HNRNPC: variants seen among roughly 807,000 people sequenced by gnomAD.
HNRNPC encodes the protein heterogeneous nuclear ribonucleoproteins C1/C2.
Under a neutral mutation model 33.2 loss-of-function variants are expected in HNRNPC, and 3 were observed. That is an observed-to-expected ratio of 0.09 (90% CI 0.04 to 0.23). The LOEUF (loss-of-function observed/expected upper bound fraction) is 0.23, where lower values mean the gene tolerates loss of function less well. HNRNPC is among the 10% of genes least tolerant of loss of function. HNRNPC has a pLI of 1.00. For missense variants in HNRNPC, 143 were observed against 366.7 expected, an observed-to-expected ratio of 0.39 and a Z score of 4.98; for synonymous variants, 121 against 126.7, an observed-to-expected ratio of 0.96 and a Z score of 0.30.
At chr14:21,248,331 C>T (rs1185191014) in intron 2 of HNRNPC, among the ~76,000 whole-genome samples, 1 of 152,198 alleles carries the variant, frequency 6.6e-6, no homozygotes, top group East Asian at 1.9e-4. Flanking sequence ...GCGTGAGCCC[C>T]TGCAACCAGC....
chr14:21,225,299 G>A (rs1893294052), intron 5 of HNRNPC, among the ~76,000 whole-genome samples: 1 of 151,918 alleles, frequency 6.6e-6, no homozygotes, highest in Non-Finnish European at 1.5e-5. Context: ...CATGGTGGCA[G>A]GCACCTGTAA....
intron 2 of HNRNPC, among the ~76,000 whole-genome samples, chr14:21,258,525 TA>T (rs1877619357): frequency 6.6e-6 from 1 of 152,216 alleles, no homozygotes; most frequent in Non-Finnish European, 1.5e-5. Flanking sequence ...GCAAGTTATT[TA>T]AATTCTGTAC....
At chr14:21,251,260 C>CAA (rs71419116) in intron 2 of HNRNPC, among the ~76,000 whole-genome samples, 13,452 of 49,016 alleles carry the variant, frequency 0.27, 2,736 homozygotes, top group Non-Finnish European at 0.33. Flanking sequence ...GACTCCCTCT[C>CAA]AAAAAAAAAA....
intron 2 of HNRNPC, among the ~76,000 whole-genome samples, chr14:21,250,724 T>G (rs1384877452): frequency 6.6e-6 from 1 of 152,194 alleles, no homozygotes; most frequent in Non-Finnish European, 1.5e-5. Context: ...TACACTGTAG[T>G]CTTCAACATT....
At chr14:21,268,499 TA>T (rs1879391889) in intron 1 of HNRNPC, 1 of 152,186 alleles carries the variant, frequency 6.6e-6, no homozygotes, top group Non-Finnish European at 1.5e-5. Context: ...ATTAACTAGG[TA>T]AAAACCACTC....
intron 2 of HNRNPC, among the ~76,000 whole-genome samples, chr14:21,245,295 A>G (rs984013281): frequency 3.3e-5 from 5 of 152,030 alleles, no homozygotes; most frequent in African/African-American, 9.7e-5. Context: ...CAGGAGTTCA[A>G]GACCAGCCTG....
Position 21,243,538 on chromosome 14 carries a change from C to T in HNRNPC, c.-36-9309G>A, listed in dbSNP as rs77959973. Among the ~76,000 whole-genome samples, 750 of 152,256 alleles carry T rather than the reference C, an allele frequency of 4.9e-3. 22 individuals carry two copies. In the East Asian group the frequency reaches 0.09, roughly 18 times the overall value. On this transcript the variant is annotated intron_variant, in intron 2 of 8. Transcript: ENST00000553300. ...CAAATTTCCAAAGAAAAGATTACAT[C>T]TTTTTTTCTGTCAAATCTGCTTATG...
intron 2 of HNRNPC, chr14:21,254,474 C>G (rs1401546622): frequency 6.6e-6 from 1 of 152,130 alleles, no homozygotes; most frequent in African/African-American, 2.4e-5. Context: ...CTTTGGATAG[C>G]TGTATTTTCT....
intron 5 of HNRNPC, among the ~76,000 whole-genome samples, chr14:21,221,347 G>A (rs1405104112): frequency 6.6e-6 from 1 of 152,030 alleles, no homozygotes; most frequent in Non-Finnish European, 1.5e-5. Flanking sequence ...ACTGATTTTT[G>A]CAGCATTCTA....
In HNRNPC at chr14:21,210,322, G is replaced by A. The variant is rs1041526976; in HGVS notation, c.*901C>T. On this transcript the variant is annotated 3_prime_UTR_variant, in exon 9 of 9. Coordinates refer to ENST00000553300, the MANE Select transcript of HNRNPC (RefSeq NM_004500.4). ...GGATATACTTCCCAAACTTTCATTA[G>A]GATGTAAAAGCCATTTTGAAAAAGT... The A allele has an allele frequency of 9.2e-5, 14 of 152,136 alleles. No homozygotes were observed. The highest frequency in any genetic ancestry group is 3.4e-4 in the African/African-American group (14 of 41,406). The allele number at this position is 152,136 out of a possible 1,614,324, so 9.4% of individuals were successfully genotyped here.
intron 2 of HNRNPC, among the ~76,000 whole-genome samples, chr14:21,248,040 T>C (rs1034620049): frequency 6.6e-6 from 1 of 151,874 alleles, no homozygotes; most frequent in Non-Finnish European, 1.5e-5. Flanking sequence ...CCATGTCCAC[T>C]ATGACCGAAC....
At position 21,234,195 on chromosome 14, in the gene HNRNPC, G is replaced by T. The variant is rs1297079162; in HGVS notation, c.-2C>A. The T allele has an allele frequency of 1.2e-6, 2 of 1,613,220 alleles. No individual in the cohort carries two copies. The highest frequency in any genetic ancestry group is 1.1e-5 in the South Asian group (1 of 91,062). On this transcript the variant is annotated 5_prime_UTR_variant, in exon 3 of 9. Transcript: ENST00000553300. The stretch of plus-strand genomic sequence containing the variant: ...CTTGTTGGTAACGTTGCTGGCCATC[G>T]TGTTTGATGGTAAGGTTTCTCACAA...
chr14:21,212,900 T>C, intron 6 of HNRNPC, 60 bp downstream of exon 6: 2 of 1,590,772 alleles, frequency 1.3e-6, no homozygotes, highest in South Asian at 1.1e-5. Context: ...TGTAACTGCA[T>C]TAGCTTCCCT....
At chr14:21,233,122 T>C (rs891803931) in intron 3 of HNRNPC, among the ~76,000 whole-genome samples, 2 of 152,058 alleles carry the variant, frequency 1.3e-5, no homozygotes, top group African/African-American at 4.8e-5. Flanking sequence ...ATTAACCTCA[T>C]TTACAATTCT....
intron 2 of HNRNPC, among the ~76,000 whole-genome samples, chr14:21,260,511 T>G (rs1431088844): frequency 1.3e-5 from 2 of 152,098 alleles, no homozygotes; most frequent in East Asian, 3.8e-4. Flanking sequence ...CTGCATGCTT[T>G]CTTTTTTTAA....
At chr14:21,236,871 A>T (rs1344636836) in intron 2 of HNRNPC, among the ~76,000 whole-genome samples, 1 of 152,206 alleles carries the variant, frequency 6.6e-6, no homozygotes, top group Non-Finnish European at 1.5e-5. Flanking sequence ...TCCTACAGAC[A>T]GCATTTAAAT....
chr14:21,257,278 AGT>A (rs899288584), intron 2 of HNRNPC, among the ~76,000 whole-genome samples: 52 of 152,266 alleles, frequency 3.4e-4, no homozygotes, highest in Middle Eastern at 6.8e-3. Flanking sequence ...TTGGACCCAG[AGT>A]GTGGACAGAA....
rs1350003164 is a variant in HNRNPC, at chr14:21,231,232, C to A, written c.242-160G>T. The A allele has an allele frequency of 4.2e-6, 3 of 713,410 alleles. No homozygotes were observed. In the Admixed American group the frequency reaches 6.1e-5, roughly 15 times the overall value. 44.2% of individuals were successfully genotyped at this position (713,410 alleles called of 1,614,324 possible). On this transcript the variant is annotated intron_variant, in intron 3 of 8. Coordinates refer to ENST00000553300, the MANE Select transcript of HNRNPC (RefSeq NM_004500.4). ...TCACTGAAACCTCTACCTCCCGGTT[C>A]AAGCGATTCTCCTGCCTCAGCCTCG... is the stretch of plus-strand genomic sequence containing the variant.
chr14:21,214,985 T>C (rs576029724), intron 5 of HNRNPC, among the ~76,000 whole-genome samples: 2 of 152,336 alleles, frequency 1.3e-5, no homozygotes, highest in South Asian at 2.1e-4. Context: ...TCTAAACCAA[T>C]GAGCTAGCTA....
Sources: allele counts gnomAD v4.1 joint callset (sites outside exome capture counted in the v4.1 genomes callset), GRCh38; gene constraint gnomAD v4.1.1; transcripts MANE v1.5; gene names NCBI Gene and HGNC (gene_info 2026-07-23, HGNC 2026-07-21).